Variants in MYNN observed in about 807,000 individuals in gnomAD.
The protein encoded by MYNN is myoneurin.
A neutral mutation model predicts 57.2 loss-of-function variants in MYNN; 22 were observed. That is an observed-to-expected ratio of 0.38 (90% CI 0.27 to 0.55). The LOEUF is 0.55. MYNN is among the 20% of genes least tolerant of loss of function. The pLI, the probability that MYNN is intolerant of heterozygous loss-of-function variation, is 0.71. For synonymous variants in MYNN, 241 were observed against 257.1 expected, an observed-to-expected ratio of 0.94 and a Z score of 0.60; for missense variants, 566 against 723.1, an observed-to-expected ratio of 0.78 and a Z score of 2.49.
chr3:169,779,307 T>C lies in MYNN; in HGVS notation c.806T>C (p.Leu269Pro), dbSNP rs1383591636. 3 of 1,614,176 alleles carry C rather than the reference T, an allele frequency of 1.9e-6. No individual in the cohort carries two copies. The South Asian group carries it at 3.3e-5, about 18-fold the overall frequency. The change falls in exon 3 of 8, where the codon CTG becomes CCG. Residue 269 changes from leucine to proline, a missense_variant. Physicochemically the swap from Leu to Pro is moderately conservative, Grantham distance 98. Around this residue, in one of 4 missense-constraint regions of MYNN, gnomAD observed 261 missense variants for 280.8 expected, o/e 0.93. Transcript: ENST00000349841. The part of the protein sequence containing the change: ...KRGKSQPNCA[L>P]KEHSMSNIAS... Reference sequence around the variant, plus strand: ...GGAAAATCACAGCCAAACTGTGCTCTGAAAGAACACTCTATGTCTAATATA... The same window carrying C: ...GGAAAATCACAGCCAAACTGTGCTCCGAAAGAACACTCTATGTCTAATATA...
At chr3:169,774,018 G>A in intron 1 of MYNN, 2 of 395,498 alleles carry the variant, frequency 5.1e-6, no homozygotes, top group Admixed American at 4.0e-5. Context: ...AGGTTTTGCT[G>A]TGCTTTTTGC....
Position 169,774,258 on chromosome 3 carries a change from C to T in MYNN, c.-31-7C>T, listed in dbSNP as rs1298606460. 2 of 1,599,416 alleles carry T rather than the reference C, an allele frequency of 1.3e-6. No homozygotes were observed. Among genetic ancestry groups the T allele is most frequent in the Non-Finnish European group, 1.7e-6 (2 of 1,169,636 alleles). On this transcript the variant is annotated splice_polypyrimidine_tract_variant and splice_region_variant and intron_variant, in intron 1 of 7. Coordinates refer to ENST00000349841, the MANE Select transcript of MYNN (RefSeq NM_018657.5). The stretch of plus-strand genomic sequence containing the variant: ...TTACTGATTTACTGTTTCTTTTTGT[C>T]TTTTAGATCAAGGGTAAAATTCCAT...
Position 169,779,364 on chromosome 3 carries a change from A to C in MYNN, c.863A>C (p.Asn288Thr). 1 of 1,614,206 alleles carries C rather than the reference A, an allele frequency of 6.2e-7. No homozygotes were observed. ...GTCAAGAGTCCTTATGAGGCGGAGA[A>C]CTCCGGGGAAGAGCTGGATCAGAGG... ...ASVKSPYEAE[N>T]SGEELDQRYS... Residue 288 changes from asparagine to threonine, a missense_variant, in exon 3 of 8, where the codon AAC becomes ACC. Around this residue, in one of 4 missense-constraint regions of MYNN, gnomAD observed 261 missense variants for 280.8 expected, o/e 0.93. Transcript: ENST00000349841.
chr3:169,775,566 A>G (rs996785488), intron 2 of MYNN, among the ~76,000 whole-genome samples: 1 of 152,180 alleles, frequency 6.6e-6, no homozygotes, highest in African/African-American at 2.4e-5. Flanking sequence ...TGAGATGGTA[A>G]TAACTACCTT....
At position 169,774,572 on chromosome 3, in the gene MYNN, CAT is replaced by C. The variant is rs750994790; in HGVS notation, c.266+12_266+13del. On this transcript the variant is annotated intron_variant, in intron 2 of 7. Coordinates refer to ENST00000349841, the MANE Select transcript of MYNN (RefSeq NM_018657.5). ...TTTAAATCTTGACAGGTAAAGTACA[CAT>C]TTTATTTTCAGTTATAAAAGCTAGT... 29 of 1,599,940 alleles carry C rather than the reference CAT, an allele frequency of 1.8e-5. No individual in the cohort carries two copies. The highest frequency in any genetic ancestry group is 2.4e-5 in the Non-Finnish European group (28 of 1,169,816).
At chr3:169,786,388 T>C (rs1257539460) in intron 7 of MYNN, 28 bp from the exon 8 acceptor site, 3 of 1,593,308 alleles carry the variant, frequency 1.9e-6, no homozygotes, top group Admixed American at 3.5e-5. Flanking sequence ...TTAAAGATAA[T>C]GTAGATTTTT....
At chr3:169,774,595 C>G in intron 2 of MYNN, 34 bp downstream of exon 2, 1 of 1,582,964 alleles carries the variant, frequency 6.3e-7, no homozygotes, top group Non-Finnish European at 8.6e-7. Flanking sequence ...GTTATAAAAG[C>G]TAGTCAGTAG....
chr3:169,785,070 AGG>A (rs71300477), intron 7 of MYNN, among the ~76,000 whole-genome samples: 11 of 100,818 alleles, frequency 1.1e-4, no homozygotes, highest in African/African-American at 3.2e-4. Context: ...ATGAAAAAAA[AGG>A]GGGGGGGGGT....
chr3:169,783,664 C>A, intron 6 of MYNN, 104 bp downstream of exon 6: 1 of 801,064 alleles, frequency 1.2e-6, no homozygotes, highest in South Asian at 1.4e-5. Flanking sequence ...TTTAGTCATA[C>A]TGTACCTATA....
At position 169,787,508 on chromosome 3, in the gene MYNN, C is replaced by T. The variant is rs189371343; in HGVS notation, c.*830C>T. ...GAAATATTTTGGTAAGCCTCTCTTA[C>T]TCCTGTTATGCACTTTTTAAAATAA... On this transcript the variant is annotated 3_prime_UTR_variant, in exon 8 of 8. Transcript: ENST00000349841. 2 of 152,046 alleles carry T rather than the reference C, an allele frequency of 1.3e-5. No individual in the cohort carries two copies. The highest frequency in any genetic ancestry group is 6.6e-5 in the Admixed American group (1 of 15,264). The allele number at this position is 152,046 out of a possible 1,614,324, so 9.4% of individuals were successfully genotyped here. A position where few individuals can be genotyped will look rare whatever the true frequency, so the allele number is the denominator to read the frequency against.
chr3:169,777,621 C>T, intron 2 of MYNN: 1 of 152,236 alleles, frequency 6.6e-6, no homozygotes, highest in Non-Finnish European at 1.5e-5. Context: ...ATTAAGTCAG[C>T]CAGTAATGCC....
chr3:169,785,076 G>GC (rs1403918555), intron 7 of MYNN, among the ~76,000 whole-genome samples: 1 of 147,598 alleles, frequency 6.8e-6, no homozygotes, highest in South Asian at 2.2e-4. Context: ...AAAAAGGGGG[G>GC]GGGGGTGGTG....
rs528011487 is a variant in MYNN at position 169,775,223 on chromosome 3, A to G, written c.266+662A>G. On this transcript the variant is annotated intron_variant, in intron 2 of 7. Transcript: ENST00000349841. ...GAATGATTCTCTAAGATGCTTACTG[A>G]TGTCACTGCATTAACAAGAAGTGGG... Among the ~76,000 whole-genome samples, 145 of 152,320 alleles carry G rather than the reference A, an allele frequency of 9.5e-4. 3 individuals carry two copies. The South Asian group carries it at 0.029, about 31-fold the overall frequency.
intron 2 of MYNN, among the ~76,000 whole-genome samples, chr3:169,775,082 G>T (rs1778295656): frequency 6.6e-6 from 1 of 152,108 alleles, no homozygotes; most frequent in Admixed American, 6.6e-5. Flanking sequence ...GTTACTTCCA[G>T]TTTCCCATTG....
At chr3:169,774,637 C>T in intron 2 of MYNN, 76 bp downstream of exon 2, 6 of 1,369,910 alleles carry the variant, frequency 4.4e-6, no homozygotes, top group Non-Finnish European at 6.0e-6. Flanking sequence ...TGTATTTTTT[C>T]CATTCATTCT....
In MYNN at chr3:169,773,447, C is replaced by G. The variant is rs939505313; in HGVS notation, c.-47C>G. 301 of 152,470 alleles carry G rather than the reference C, an allele frequency of 2.0e-3. 4 individuals carry two copies. Among genetic ancestry groups the G allele is most frequent in the East Asian group, 3.9e-4 (2 of 5,178 alleles). 9.4% of individuals were successfully genotyped at this position (152,470 alleles called of 1,614,324 possible). On this transcript the variant is annotated 5_prime_UTR_variant, in exon 1 of 8. Coordinates refer to ENST00000349841, the MANE Select transcript of MYNN (RefSeq NM_018657.5). ...ACAGAGTGAAGAAACTGTGTTCCCC[C>G]CTTGGGTTGCTATCGGTGAGTTCCT...
chr3:169,787,073 T>G lies in MYNN; in HGVS notation c.*395T>G, dbSNP rs1270472230. The G allele has an allele frequency of 6.2e-5, 12 of 193,296 alleles. No homozygotes were observed. The highest frequency in any genetic ancestry group is 1.3e-4 in the Non-Finnish European group (12 of 90,594). 12.0% of individuals were successfully genotyped at this position (193,296 alleles called of 1,614,324 possible). On this transcript the variant is annotated 3_prime_UTR_variant, in exon 8 of 8. Coordinates refer to ENST00000349841, the MANE Select transcript of MYNN (RefSeq NM_018657.5). ...CTCATAATTTAAGCAAAATCCACGA[T>G]AGTATCAGCCCAAGAGTGTGTTGCT...
intron 3 of MYNN, 194 bp downstream of exon 3, chr3:169,779,755 C>A: frequency 1.7e-6 from 1 of 592,722 alleles, no homozygotes; most frequent in Non-Finnish European, 2.9e-6. Flanking sequence ...TGTTTAAGCC[C>A]TAATGCATCA....
chr3:169,786,071 C>G (rs1778668327), intron 7 of MYNN, among the ~76,000 whole-genome samples: 1 of 151,986 alleles, frequency 6.6e-6, no homozygotes, highest in Non-Finnish European at 1.5e-5. Flanking sequence ...GTTGAGGATT[C>G]AAGGCATACC....
Sources: allele counts gnomAD v4.1 joint callset (sites outside exome capture counted in the v4.1 genomes callset), GRCh38; gene constraint gnomAD v4.1.1; regional missense constraint gnomAD v4.1.1; transcripts MANE v1.5; gene names NCBI Gene and HGNC (gene_info 2026-07-23, HGNC 2026-07-21).